IL23R: variants seen among roughly 807,000 people sequenced by gnomAD.
The protein encoded by IL23R is interleukin 23 receptor.
A neutral mutation model predicts 56.9 loss-of-function variants in IL23R; 34 were observed. That is an observed-to-expected ratio of 0.60 (90% confidence interval 0.45 to 0.80). IL23R has a LOEUF of 0.80. IL23R is among the 30% of genes least tolerant of loss of function. IL23R has a pLI of 0.00. For missense variants in IL23R, 635 were observed against 730.0 expected, an observed-to-expected ratio of 0.87 and a Z score of 1.50; for synonymous variants, 230 against 249.2, an observed-to-expected ratio of 0.92 and a Z score of 0.73.
At chr1:67,207,954 G>A (rs889766256) in intron 6 of IL23R, among the ~76,000 whole-genome samples, 15 of 152,206 alleles carry the variant, frequency 9.9e-5, no homozygotes, top group Admixed American at 9.8e-4. Context: ...CCAAAATGCT[G>A]ATAGCAATAT....
intron 7 of IL23R, among the ~76,000 whole-genome samples, chr1:67,233,463 T>C (rs1558256967): frequency 6.6e-6 from 1 of 152,180 alleles, no homozygotes; most frequent in East Asian, 1.9e-4. Context: ...TGATTTGGCA[T>C]CATCCTTAAA....
chr1:67,251,155 G>A (rs1210652259), intron 9 of IL23R, among the ~76,000 whole-genome samples: 1 of 151,972 alleles, frequency 6.6e-6, no homozygotes, highest in African/African-American at 2.4e-5. Context: ...TCCACAAAAA[G>A]GAAAGACATA....
At chr1:67,258,400 A>G (rs1166615078) in intron 10 of IL23R, 78 bp from the exon 11 acceptor site, 1 of 1,119,550 alleles carries the variant, frequency 8.9e-7, no homozygotes, top group African/African-American at 1.6e-5. Flanking sequence ...AGAAAGCAAA[A>G]TTCCTATCCT....
At chr1:67,183,374 A>G (rs1041209125) in intron 4 of IL23R, among the ~76,000 whole-genome samples, 1 of 152,140 alleles carries the variant, frequency 6.6e-6, no homozygotes, top group East Asian at 1.9e-4. Flanking sequence ...GTTTCTACTG[A>G]AAATACAAAA....
rs1436667845 is a variant in IL23R at position 67,259,004 on chromosome 1, T to G, written c.1766T>G (p.Leu589Arg). Residue 589 changes from leucine (L) to arginine (R), a missense_variant, in exon 11 of 11, where the codon CTG becomes CGG. By Grantham distance (102) the Leu-to-Arg change is moderately radical. Coordinates refer to ENST00000347310, the MANE Select transcript of IL23R (RefSeq NM_144701.3). ...SPSETIPEQT[L>R]LPDEFVSCLG... is the part of the protein sequence containing the mutation. ...AGTGAAACTATTCCAGAACAGACCC[T>G]GCTTCCTGATGAATTTGTCTCCTGT... The G allele has an allele frequency of 1.9e-6, 3 of 1,613,990 alleles. No homozygotes were observed. The highest frequency in any genetic ancestry group is 2.5e-6 in the Non-Finnish European group (3 of 1,180,004).
chr1:67,142,325 G>T (rs1646645671), intron 1 of IL23R, among the ~76,000 whole-genome samples: 1 of 151,954 alleles, frequency 6.6e-6, no homozygotes, highest in Admixed American at 6.6e-5. Context: ...CAATAATTTG[G>T]TGAGTTTAAA....
intron 1 of IL23R, among the ~76,000 whole-genome samples, chr1:67,141,991 A>G (rs1476567832): frequency 6.6e-6 from 1 of 152,174 alleles, no homozygotes; most frequent in Admixed American, 6.5e-5. Flanking sequence ...TTTTTAAGGA[A>G]CAACATGTTT....
At chr1:67,165,365 A>C (rs1048888298), upstream of IL23R, among the ~76,000 whole-genome samples, 1 of 152,190 alleles carries the variant, frequency 6.6e-6, no homozygotes, top group Non-Finnish European at 1.5e-5. Context: ...TAGGAATGTA[A>C]ATTGGTACAG....
At chr1:67,164,641 T>TAAAATAAAAC (rs1646854374), upstream of IL23R, among the ~76,000 whole-genome samples, 1 of 146,318 alleles carries the variant, frequency 6.8e-6, no homozygotes, top group Non-Finnish European at 1.5e-5. Context: ...CAAAATAAAA[T>TAAAATAAAAC]AAAATAAAAT....
At chr1:67,227,568 G>T (rs936740622) in intron 7 of IL23R, among the ~76,000 whole-genome samples, 1 of 152,082 alleles carries the variant, frequency 6.6e-6, no homozygotes, top group Non-Finnish European at 1.5e-5. Context: ...AATTTTTCAG[G>T]TTTTTAAGTG....
chr1:67,168,998 G>A (rs773199322), intron 2 of IL23R, among the ~76,000 whole-genome samples: 135 of 152,038 alleles, frequency 8.9e-4, no homozygotes, highest in Middle Eastern at 3.4e-3. Context: ...CATATTAGCC[G>A]GGCGTGGTGG....
chr1:67,205,917 T>TTCTTTCTTTCTTTCTTTCTTTG (rs1034409357), intron 5 of IL23R, among the ~76,000 whole-genome samples: 1 of 144,850 alleles, frequency 6.9e-6, no homozygotes, highest in Non-Finnish European at 1.5e-5. Flanking sequence ...CTTTCTTTCT[T>TTCTTTCTTTCTTTCTTTCTTTG]TCTTTCTTTT....
chr1:67,212,543 C>CTTTTTTTT (rs71663275), intron 6 of IL23R, among the ~76,000 whole-genome samples: 1 of 145,058 alleles, frequency 6.9e-6, no homozygotes, highest in African/African-American at 2.5e-5. Flanking sequence ...GTCATGCAAT[C>CTTTTTTTT]TTTTTTTTTT....
intron 4 of IL23R, among the ~76,000 whole-genome samples, chr1:67,199,899 G>T (rs1648479903): frequency 6.6e-6 from 1 of 152,126 alleles, no homozygotes; most frequent in Non-Finnish European, 1.5e-5. Flanking sequence ...TTTTGTCCAG[G>T]CACAGTGGCT....
chr1:67,205,079 C>G (rs1648912703), intron 5 of IL23R, among the ~76,000 whole-genome samples: 1 of 152,258 alleles, frequency 6.6e-6, no homozygotes, highest in African/African-American at 2.4e-5. Context: ...CTGCGTCCAG[C>G]CTGAATACTG....
rs112114661 is a variant in IL23R at position 67,258,829 on chromosome 1, G to C, written c.1591G>C (p.Ala531Pro). 6 of 1,612,446 alleles carry C rather than the reference G, an allele frequency of 3.7e-6. No homozygotes were observed. Among genetic ancestry groups the C allele is most frequent in the African/African-American group, 1.3e-5 (1 of 74,842 alleles). The change falls in exon 11 of 11, where the codon GCT (alanine) becomes CCT (proline). Residue 531 changes from alanine to proline, a missense_variant. Coordinates refer to ENST00000347310, the MANE Select transcript of IL23R (RefSeq NM_144701.3). ...NPRLQKHPNFAFSVSSVNSLS... is the reference protein window; with the variant it reads ...NPRLQKHPNFPFSVSSVNSLS... Reference sequence around the variant, plus strand: ...CAGGTTACAAAAGCATCCTAATTTTGCTTTTTCTGTTTCAAGTGTGAATTC... The same window carrying C: ...CAGGTTACAAAAGCATCCTAATTTTCCTTTTTCTGTTTCAAGTGTGAATTC...
intron 1 of IL23R, among the ~76,000 whole-genome samples, chr1:67,151,575 G>A (rs1193150212): frequency 6.6e-6 from 1 of 152,028 alleles, no homozygotes; most frequent in African/African-American, 2.4e-5. Flanking sequence ...GGGTTTTTAT[G>A]GTTTCAGGTT....
intron 7 of IL23R, among the ~76,000 whole-genome samples, chr1:67,222,102 CTTTTTTTT>C (rs72241835): frequency 1.9e-4 from 11 of 58,896 alleles, no homozygotes; most frequent in Admixed American, 2.8e-4. Flanking sequence ...TTCTTTCTTT[CTTTTTTTT>C]TTTTTTTTTT....
chr1:67,164,851 T>A (rs1011095369), upstream of IL23R, among the ~76,000 whole-genome samples: 42 of 151,768 alleles, frequency 2.8e-4, no homozygotes, highest in African/African-American at 8.9e-4. Context: ...GGAAGACGGA[T>A]AAATGGCCAA....
Sources: gnomAD v4.1 joint callset for allele counts (sites outside exome capture counted in the v4.1 genomes callset) on GRCh38, gnomAD v4.1.1 for gene constraint, MANE v1.5 for transcripts, NCBI Gene and HGNC (gene_info 2026-07-23, HGNC 2026-07-21) for gene names.